The following GRHL2 variants were observed in gnomAD, a reference collection of about 807,000 sequenced individuals.
The protein encoded by GRHL2 is grainyhead-like protein 2 homolog.
GRHL2 carries 21 observed loss-of-function variants against 83.8 expected under a neutral mutation model. That is an observed-to-expected ratio of 0.25 (90% CI 0.18 to 0.36). The LOEUF (loss-of-function observed/expected upper bound fraction) is 0.36, where lower values mean the gene tolerates loss of function less well. Among genes scored for constraint, GRHL2 ranks in the 10% least tolerant of loss-of-function variants. GRHL2 has a pLI of 1.00. For synonymous variants in GRHL2, 280 were observed against 278.9 expected (o/e 1.00, Z -0.04); for missense variants, 623 against 781.8 (o/e 0.80, Z 2.42).
intron 3 of GRHL2, among the ~76,000 whole-genome samples, chr8:101,553,048 G>T (rs889025292): frequency 6.6e-6 from 1 of 152,212 alleles, no homozygotes; most frequent in Admixed American, 6.5e-5. Context: ...GAGGTGAGAT[G>T]CTGGTAAGAT....
rs13264251 is a variant in GRHL2 at position 101,532,477 on chromosome 8, C to T, written c.21-10764C>T. On this transcript the variant is annotated intron_variant, in intron 1 of 15. Coordinates refer to ENST00000646743, the MANE Select transcript of GRHL2 (RefSeq NM_024915.4). ...ATTTAGAGAGTAGAATTCAGCTGGC[C>T]GCGGTGGCTCATGCCTGTTATCCCA... Among the ~76,000 whole-genome samples the T allele has an allele frequency of 3.1e-3, 468 of 152,138 alleles. 5 individuals carry two copies. The highest frequency in any genetic ancestry group is 6.9e-3 in the Admixed American group (105 of 15,278).
chr8:101,598,153 T>C (rs1170808142), intron 7 of GRHL2, among the ~76,000 whole-genome samples: 1 of 151,736 alleles, frequency 6.6e-6, no homozygotes, highest in Non-Finnish European at 1.5e-5. Context: ...AAGAAATACA[T>C]AGTAACCAAA....
At chr8:101,534,018 A>T (rs1220449835) in intron 1 of GRHL2, among the ~76,000 whole-genome samples, 1 of 152,174 alleles carries the variant, frequency 6.6e-6, no homozygotes, top group Non-Finnish European at 1.5e-5. Context: ...ATTTTGTTTC[A>T]ATGGGATTTC....
At chr8:101,563,473 T>C (rs1248813025) in intron 4 of GRHL2, among the ~76,000 whole-genome samples, 1 of 152,110 alleles carries the variant, frequency 6.6e-6, no homozygotes, top group Non-Finnish European at 1.5e-5. Context: ...GAAGTTGCAC[T>C]AGCAGCCCTG....
intron 1 of GRHL2, among the ~76,000 whole-genome samples, chr8:101,493,758 C>T (rs1474106142): frequency 2.6e-5 from 4 of 152,000 alleles, no homozygotes; most frequent in African/African-American, 7.2e-5. Context: ...GCTGGGCTCG[C>T]GTCCTTCCCG....
intron 9 of GRHL2, among the ~76,000 whole-genome samples, chr8:101,625,031 A>G (rs983750041): frequency 1.1e-4 from 16 of 152,170 alleles, no homozygotes; most frequent in African/African-American, 3.6e-4. Flanking sequence ...AATTCAGCAT[A>G]TTAAATATTA....
intron 7 of GRHL2, among the ~76,000 whole-genome samples, chr8:101,595,357 A>G (rs1318771954): frequency 1.3e-5 from 2 of 152,208 alleles, no homozygotes; most frequent in Non-Finnish European, 2.9e-5. Context: ...AAAACCTCAT[A>G]ATGTTGTAAC....
At chr8:101,534,755 G>A (rs1811008272) in intron 1 of GRHL2, among the ~76,000 whole-genome samples, 1 of 152,192 alleles carries the variant, frequency 6.6e-6, no homozygotes, top group South Asian at 2.1e-4. Context: ...TTCTAATGAA[G>A]TGGATGTAAG....
intron 9 of GRHL2, among the ~76,000 whole-genome samples, chr8:101,626,553 C>T (rs958657547): frequency 6.6e-6 from 1 of 152,010 alleles, no homozygotes; most frequent in Non-Finnish European, 1.5e-5. Flanking sequence ...TCTTAAAATA[C>T]ATGTAGAGGA....
chr8:101,511,234 A>G (rs1044957959), intron 1 of GRHL2, among the ~76,000 whole-genome samples: 1 of 152,226 alleles, frequency 6.6e-6, no homozygotes, highest in Non-Finnish European at 1.5e-5. Context: ...ATTTCACATG[A>G]AGAATATACA....
chr8:101,560,833 A>AT (rs2130185483), intron 4 of GRHL2, among the ~76,000 whole-genome samples: 1 of 152,198 alleles, frequency 6.6e-6, no homozygotes, highest in Non-Finnish European at 1.5e-5. Context: ...TATTTGTCCA[A>AT]TTTTTAAATT....
At position 101,579,277 on chromosome 8, in the gene GRHL2, T is replaced by G. The variant is rs191130903; in HGVS notation, c.1003+1758T>G. 2.0e-5 allele frequency among the ~76,000 whole-genome samples: 3 copies of G among 152,306 alleles called. No individual in the cohort carries two copies. In the East Asian group the frequency reaches 5.8e-4, roughly 29 times the overall value. ...ATGGAGTAGGTCCAAATAAGGCAAA[T>G]AATAAAAGCATTTTACTGGCATACC... is the stretch of plus-strand genomic sequence containing the variant. On this transcript the variant is annotated intron_variant, in intron 7 of 15. Transcript: ENST00000646743.
At chr8:101,624,060 G>T (rs1012854692) in intron 9 of GRHL2, among the ~76,000 whole-genome samples, 1 of 144,978 alleles carries the variant, frequency 6.9e-6, no homozygotes, top group Non-Finnish European at 1.5e-5. Flanking sequence ...GTACACAGTA[G>T]AACAGTTCAC....
intron 8 of GRHL2, among the ~76,000 whole-genome samples, chr8:101,618,481 T>C (rs1812899139): frequency 6.6e-6 from 1 of 152,186 alleles, no homozygotes; most frequent in Non-Finnish European, 1.5e-5. Flanking sequence ...CTTTTACTTT[T>C]TCACTAACCT....
chr8:101,587,348 T>A (rs1416680146), intron 7 of GRHL2, among the ~76,000 whole-genome samples: 1 of 152,242 alleles, frequency 6.6e-6, no homozygotes, highest in Non-Finnish European at 1.5e-5. Context: ...TCTGTTTTAA[T>A]GACAGGGTAA....
chr8:101,651,267 G>A (rs1813616610), intron 14 of GRHL2, among the ~76,000 whole-genome samples: 1 of 152,142 alleles, frequency 6.6e-6, no homozygotes, highest in South Asian at 2.1e-4. Context: ...TGACTTAATG[G>A]GGACAGTGAT....
At chr8:101,598,826 AG>A (rs1390272246) in intron 7 of GRHL2, among the ~76,000 whole-genome samples, 2 of 152,306 alleles carry the variant, frequency 1.3e-5, no homozygotes, top group East Asian at 3.9e-4. Context: ...AAATTAGCTA[AG>A]AACATTGGTT....
Position 101,604,019 on chromosome 8 carries a change from C to CAAAAAA in GRHL2, c.1098+4879_1098+4884dup, listed in dbSNP as rs541635465. On this transcript the variant is annotated intron_variant, in intron 8 of 15. Coordinates refer to ENST00000646743, the MANE Select transcript of GRHL2 (RefSeq NM_024915.4). ...CTTCCCCTGTTGAGTTTTTTTTTTG[C>CAAAAAA]AAAAAAAAAAAAAAAAGCCATAAAA... Among the ~76,000 whole-genome samples, 103 of 91,744 alleles carry CAAAAAA rather than the reference C, an allele frequency of 1.1e-3. 1 individual carries two copies. In the East Asian group the frequency reaches 0.024, roughly 21 times the overall value. 60.2% of individuals were successfully genotyped at this position (91,744 alleles called of 152,430 possible).
At chr8:101,514,104 G>A (rs1810520842) in intron 1 of GRHL2, among the ~76,000 whole-genome samples, 1 of 152,034 alleles carries the variant, frequency 6.6e-6, no homozygotes, top group African/African-American at 2.4e-5. Context: ...TACCTCTCCT[G>A]CTATTCTCTT....
Sources: allele counts gnomAD v4.1 joint callset (sites outside exome capture counted in the v4.1 genomes callset), GRCh38; gene constraint gnomAD v4.1.1; transcripts MANE v1.5; gene names NCBI Gene and HGNC (gene_info 2026-07-23, HGNC 2026-07-21).